USP9X: variants seen among roughly 807,000 people sequenced by gnomAD.
USP9X encodes the protein ubiquitin specific peptidase 9 X-linked, also known as ubiquitin carboxyl-terminal hydrolase 9X.
Under a neutral mutation model 190.3 loss-of-function variants are expected in USP9X, and 7 were observed. The ratio of observed to expected loss-of-function variants is 0.04; its 90% confidence interval spans 0.02 to 0.07. The LOEUF (loss-of-function observed/expected upper bound fraction) is 0.07, where lower values mean the gene tolerates loss of function less well. Among genes scored for constraint, USP9X ranks in the 10% least tolerant of loss-of-function variants. USP9X has a pLI of 1.00. For missense variants in USP9X, 1,010 were observed against 1,916.9 expected (o/e 0.53, Z 8.83); for synonymous variants, 645 against 659.5 (o/e 0.98, Z 0.34).
At position 41,196,640 on chromosome X, in the gene USP9X, T is replaced by A. The variant is rs1490362214; in HGVS notation, c.4135T>A (p.Leu1379Ile). 8.3e-7 allele frequency: 1 copy of A among 1,206,681 alleles called. No homozygotes were observed. Among genetic ancestry groups the A allele is most frequent in the Admixed American group, 2.2e-5 (1 of 45,611 alleles). ...AKHSGDYFTL[L>I]RHLLNYAYNS... ...ACACTCAGGCGACTACTTTACTCTTTTAAGACACCTTCTTAATTACGCTTA... is the reference window on the plus strand; with the variant it reads ...ACACTCAGGCGACTACTTTACTCTTATAAGACACCTTCTTAATTACGCTTA... Residue 1379 changes from leucine to isoleucine, a missense_variant, in exon 28 of 45, where the codon TTA (leucine) becomes ATA (isoleucine). By Grantham distance (5) the Leu-to-Ile change is conservative. This residue lies in a region of USP9X where 351 missense variants were observed against 480.8 expected (regional missense o/e 0.73). Coordinates refer to ENST00000378308, the MANE Select transcript of USP9X (RefSeq NM_001039591.3).
Position 41,164,427 on chromosome X carries a change from A to G in USP9X, c.1986-1445A>G, listed in dbSNP as rs945137055. ...CCTCCCCACATTGAGAGTTACTGCC[A>G]TAGTAAGCAGTCGTTACTGATTGGC... On this transcript the variant is annotated intron_variant, in intron 15 of 44. Transcript: ENST00000378308. Among the ~76,000 whole-genome samples, 11 of 110,820 alleles carry G rather than the reference A, an allele frequency of 9.9e-5. No individual in the cohort carries two copies. In the Admixed American group the frequency reaches 1.1e-3, roughly 11 times the overall value.
At chrX:41,145,667 C>T (rs1018250690) in intron 11 of USP9X, among the ~76,000 whole-genome samples, 5 of 111,376 alleles carry the variant, frequency 4.5e-5, no homozygotes, top group South Asian at 3.7e-4. Context: ...TGTTACTTGC[C>T]GTGTATTATT....
At position 41,184,533 on chromosome X, in the gene USP9X, C is replaced by T; in HGVS notation, c.3416C>T (p.Ala1139Val). 8.3e-7 allele frequency: 1 copy of T among 1,211,018 alleles called. No homozygotes were observed. The highest frequency in any genetic ancestry group is 3.0e-5 in the East Asian group (1 of 33,824). ...ACCAGAAATAACTTCCTACCGAATG[C>T]AGATATGGAAACTCGAAGGGGTGCC... ...MLTRNNFLPNADMETRRGAYL... is the reference protein window; with the variant it reads ...MLTRNNFLPNVDMETRRGAYL... The change falls in exon 23 of 45, where the codon GCA (alanine) becomes GTA (valine). Residue 1139 changes from alanine to valine, a missense_variant. Ala to Val is a moderately conservative substitution (Grantham distance 64). Around this residue, in one of 11 missense-constraint regions of USP9X, gnomAD observed 351 missense variants for 480.8 expected, o/e 0.73. Transcript: ENST00000378308.
chrX:41,208,948 T>G (rs1485874779), intron 32 of USP9X, among the ~76,000 whole-genome samples: 9 of 111,091 alleles, frequency 8.1e-5, no homozygotes, highest in Non-Finnish European at 1.3e-4. Context: ...GACCTCGTGA[T>G]CCACCCGGCT....
chrX:41,124,415 G>A (rs940026193), intron 2 of USP9X, among the ~76,000 whole-genome samples: 2 of 111,700 alleles, frequency 1.8e-5, no homozygotes, highest in African/African-American at 6.5e-5. Flanking sequence ...CTGCACTCCA[G>A]CCTGGGTGAC....
chrX:41,206,034 G>A (rs2063092064), intron 32 of USP9X, among the ~76,000 whole-genome samples: 1 of 108,999 alleles, frequency 9.2e-6, no homozygotes, highest in South Asian at 4.0e-4. Context: ...GGGATTACAG[G>A]CACCCACCAC....
Position 41,232,557 on chromosome X carries a change from G to T in USP9X, c.*33G>T. On this transcript the variant is annotated 3_prime_UTR_variant, in exon 45 of 45. Transcript: ENST00000378308. ...ATAATTAACTGGTTCCATCAAGACTGTGCACCCAGGCCTTACAGTCCAACC... is the reference window on the plus strand; with the variant it reads ...ATAATTAACTGGTTCCATCAAGACTTTGCACCCAGGCCTTACAGTCCAACC... 8.4e-7 allele frequency: 1 copy of T among 1,184,807 alleles called. No homozygotes were observed. The highest frequency in any genetic ancestry group is 1.1e-6 in the Non-Finnish European group (1 of 880,459).
chrX:41,095,323 G>A (rs1185374802), intron 1 of USP9X, among the ~76,000 whole-genome samples: 1 of 111,848 alleles, frequency 8.9e-6, no homozygotes, highest in African/African-American at 3.2e-5. Context: ...ATTAATTAGA[G>A]CAGGGACTTC....
At chrX:41,182,088 C>T (rs2062831945) in intron 21 of USP9X, among the ~76,000 whole-genome samples, 1 of 112,036 alleles carries the variant, frequency 8.9e-6, no homozygotes, top group African/African-American at 3.2e-5. Context: ...GCTTAGAATT[C>T]ACTACTTCTG....
intron 32 of USP9X, among the ~76,000 whole-genome samples, chrX:41,207,463 A>G (rs2063113526): frequency 8.9e-6 from 1 of 111,813 alleles, no homozygotes; most frequent in South Asian, 3.7e-4. Flanking sequence ...ATAGCTAGAA[A>G]AGATCTATAA....
chrX:41,222,892 G>C (rs746756834), intron 38 of USP9X, among the ~76,000 whole-genome samples: 97 of 111,602 alleles, frequency 8.7e-4, no homozygotes, highest in Non-Finnish European at 1.6e-3. Context: ...ATCCTGGCGA[G>C]AGAGCGAGAC....
At chrX:41,107,036 G>A (rs961378396) in intron 1 of USP9X, among the ~76,000 whole-genome samples, 2 of 108,348 alleles carry the variant, frequency 1.8e-5, no homozygotes, top group African/African-American at 3.4e-5. Flanking sequence ...ACAGGCGCCC[G>A]CCACCATGCC....
intron 21 of USP9X, among the ~76,000 whole-genome samples, chrX:41,178,205 A>G (rs1041286371): frequency 1.1e-5 from 1 of 92,853 alleles, no homozygotes; most frequent in East Asian, 3.5e-4. Flanking sequence ...GGTTCAGGTG[A>G]TTCTCCTGCC....
chrX:41,170,758 T>G, intron 20 of USP9X, 139 bp downstream of exon 20: 1 of 553,316 alleles, frequency 1.8e-6, no homozygotes, highest in Admixed American at 4.5e-5. Flanking sequence ...AACCACCAAC[T>G]TCAGAATGGA....
At chrX:41,122,930 C>G (rs752685706) in intron 1 of USP9X, among the ~76,000 whole-genome samples, 1 of 111,202 alleles carries the variant, frequency 9.0e-6, no homozygotes, top group Admixed American at 9.6e-5. Flanking sequence ...CCTCTCTTCT[C>G]TCCTTCTCTG....
chrX:41,216,659 A>G lies in USP9X; in HGVS notation c.6085+7A>G. 1 of 1,190,616 alleles carries G rather than the reference A, an allele frequency of 8.4e-7. No individual in the cohort carries two copies. Among genetic ancestry groups the G allele is most frequent in the Non-Finnish European group, 1.1e-6 (1 of 884,304 alleles). ...TACTTAAACCCTCCTCCCGGTGAGT[A>G]TCAAGAGAGTTTAGCTTCTTAGTAA... On this transcript the variant is annotated splice_region_variant and intron_variant, in intron 35 of 44. Coordinates refer to ENST00000378308, the MANE Select transcript of USP9X (RefSeq NM_001039591.3).
intron 34 of USP9X, among the ~76,000 whole-genome samples, chrX:41,215,617 C>T (rs2063205102): frequency 1.8e-5 from 2 of 112,538 alleles, no homozygotes; most frequent in African/African-American, 6.5e-5. Flanking sequence ...TTGGTTTGTG[C>T]ATAGGAAACC....
intron 16 of USP9X, among the ~76,000 whole-genome samples, chrX:41,166,774 C>A (rs17145964): frequency 0.13 from 14,865 of 111,411 alleles, 901 homozygotes; most frequent in East Asian, 0.22. Flanking sequence ...GGATGTCTCA[C>A]ATATTTTCCT....
intron 28 of USP9X, 21 bp from the exon 29 acceptor site, chrX:41,197,343 C>A: frequency 1.4e-6 from 1 of 737,378 alleles, no homozygotes. Context: ...CCCCCCCCAC[C>A]CCACCCCCCG....
Sources: gnomAD v4.1 joint callset for allele counts (sites outside exome capture counted in the v4.1 genomes callset) on GRCh38, gnomAD v4.1.1 for gene constraint, gnomAD v4.1.1 regional missense constraint, MANE v1.5 for transcripts, NCBI Gene and HGNC (gene_info 2026-07-23, HGNC 2026-07-21) for gene names.